Variants in VPS13C observed in about 807,000 individuals in gnomAD.
VPS13C encodes intermembrane lipid transfer protein VPS13C.
In VPS13C, 358 loss-of-function variants were observed where a neutral mutation model predicts 456.8. The observed-to-expected ratio is 0.78, with a 90% CI of 0.72 to 0.86. VPS13C has a LOEUF of 0.86. Ranked by LOEUF, VPS13C falls within the 40% of genes least tolerant of loss-of-function variation. The pLI is 0.00. For missense variants in VPS13C, 4,818 were observed against 4,385.4 expected (o/e 1.10, Z -2.79); for synonymous variants, 1,578 against 1,486.7 (o/e 1.06, Z -1.41).
At chr15:62,052,027 G>A (rs2048636538) in intron 1 of VPS13C, among the ~76,000 whole-genome samples, 1 of 152,008 alleles carries the variant, frequency 6.6e-6, no homozygotes, top group Non-Finnish European at 1.5e-5. Flanking sequence ...ATTTTTTTGT[G>A]GCAGTACTAA....
chr15:61,918,635 G>C (rs538249246), intron 58 of VPS13C, among the ~76,000 whole-genome samples: 42 of 152,072 alleles, frequency 2.8e-4, no homozygotes, highest in African/African-American at 9.6e-4. Flanking sequence ...GAGAAAAATA[G>C]TACAATTCTT....
intron 40 of VPS13C, 65 bp from the exon 41 acceptor site, chr15:61,950,482 A>G (rs2044750229): frequency 4.1e-6 from 5 of 1,232,144 alleles, no homozygotes; most frequent in African/African-American, 1.5e-5. Context: ...CTGAAAATAT[A>G]CATATTCTTT....
At chr15:61,972,319 C>T (rs929555493) in intron 27 of VPS13C, among the ~76,000 whole-genome samples, 2 of 152,072 alleles carry the variant, frequency 1.3e-5, no homozygotes, top group Non-Finnish European at 2.9e-5. Flanking sequence ...TTAAAGTAGG[C>T]ATGTCATAAA....
chr15:62,043,550 G>A (rs2140727319), intron 2 of VPS13C, among the ~76,000 whole-genome samples: 1 of 152,294 alleles, frequency 6.6e-6, no homozygotes, highest in East Asian at 1.9e-4. Context: ...AAGTTGCAGT[G>A]AGCCAAGATC....
At chr15:61,874,091 T>A (rs1323186162) in intron 77 of VPS13C, among the ~76,000 whole-genome samples, 1 of 151,598 alleles carries the variant, frequency 6.6e-6, no homozygotes, top group South Asian at 2.1e-4. Context: ...GAAAAACAAA[T>A]ACTGCATGTT....
intron 1 of VPS13C, among the ~76,000 whole-genome samples, chr15:62,054,735 TAA>T (rs1172207729): frequency 3.8e-5 from 5 of 130,944 alleles, no homozygotes; most frequent in Non-Finnish European, 6.7e-5. Flanking sequence ...AAAGTAGAAG[TAA>T]AAAAAAAAAA....
chr15:61,986,338 C>G (rs1312633391), intron 18 of VPS13C, among the ~76,000 whole-genome samples: 1 of 151,602 alleles, frequency 6.6e-6, no homozygotes, highest in Non-Finnish European at 1.5e-5. Flanking sequence ...AAAAAAGAAC[C>G]ACATAGAAAT....
At chr15:61,896,562 A>G (rs2042821555) in intron 66 of VPS13C, among the ~76,000 whole-genome samples, 1 of 152,124 alleles carries the variant, frequency 6.6e-6, no homozygotes, top group African/African-American at 2.4e-5. Flanking sequence ...AAAACGGCGC[A>G]CCACGAGATT....
At chr15:61,884,364 A>T (rs990859513) in intron 67 of VPS13C, 95 bp from the exon 68 acceptor site, 1 of 1,332,186 alleles carries the variant, frequency 7.5e-7, no homozygotes, top group Non-Finnish European at 1.0e-6. Flanking sequence ...TTATTTTCCT[A>T]TGAAAATTAC....
chr15:61,896,394 G>A (rs542162225), intron 66 of VPS13C, among the ~76,000 whole-genome samples: 227 of 152,272 alleles, frequency 1.5e-3, no homozygotes, highest in African/African-American at 5.2e-3. Flanking sequence ...GTGGGTGCAC[G>A]CATGGTGCGC....
intron 66 of VPS13C, among the ~76,000 whole-genome samples, chr15:61,902,295 A>C (rs868567357): frequency 6.6e-6 from 1 of 151,014 alleles, no homozygotes; most frequent in Middle Eastern, 3.4e-3. Context: ...AAAAAAATTA[A>C]AAGTGTTTAA....
intron 22 of VPS13C, 80 bp from the exon 23 acceptor site, chr15:61,978,829 T>G: frequency 7.0e-7 from 1 of 1,424,412 alleles, no homozygotes. Context: ...TAGGTTTCAG[T>G]CTTGCATTTA....
chr15:61,896,291 C>T (rs1444540386), intron 66 of VPS13C, among the ~76,000 whole-genome samples: 1 of 152,194 alleles, frequency 6.6e-6, no homozygotes, highest in African/African-American at 2.4e-5. Context: ...CAGCTCACAG[C>T]GTGAGCGACA....
chr15:61,932,809 A>T (rs1275905931), intron 49 of VPS13C, among the ~76,000 whole-genome samples: 2 of 152,234 alleles, frequency 1.3e-5, no homozygotes, highest in African/African-American at 2.4e-5. Context: ...CAATGACCTG[A>T]GACACATCTG....
intron 76 of VPS13C, 52 bp downstream of exon 76, chr15:61,875,679 AT>A (rs1359869830): frequency 8.0e-5 from 104 of 1,296,764 alleles, no homozygotes; most frequent in Non-Finnish European, 1.0e-4. Context: ...TTATTAAAAA[AT>A]AGACCATCCA....
At chr15:61,961,096 A>G (rs948414950) in intron 35 of VPS13C, among the ~76,000 whole-genome samples, 1 of 151,000 alleles carries the variant, frequency 6.6e-6, no homozygotes, top group Non-Finnish European at 1.5e-5. Flanking sequence ...ACAAAATAAA[A>G]AACTCTTCTG....
intron 40 of VPS13C, 37 bp from the exon 41 acceptor site, chr15:61,950,454 A>T (rs973068872): frequency 1.3e-6 from 2 of 1,503,650 alleles, no homozygotes; most frequent in Non-Finnish European, 1.8e-6. Flanking sequence ...TGAGTTTCAA[A>T]CACTAAAAAT....
intron 78 of VPS13C, 58 bp downstream of exon 78, chr15:61,873,188 G>A (rs1895161260): frequency 6.2e-7 from 1 of 1,604,048 alleles, no homozygotes; most frequent in Non-Finnish European, 8.5e-7. Flanking sequence ...CACACAACCA[G>A]CTAGAATACA....
rs187269826 is a variant in VPS13C at position 61,985,306 on chromosome 15, G to A, written c.1579-307C>T. 2.5e-3 allele frequency among the ~76,000 whole-genome samples: 384 copies of A among 152,140 alleles called. 1 individual carries two copies. The highest frequency in any genetic ancestry group is 8.5e-3 in the African/African-American group (354 of 41,510). Reference sequence around the variant, plus strand: ...AGAGACTTGCTCTATTGCCAGGCTGGAGTGCAGTGGCACAATCACAGCTCA... The same window carrying A: ...AGAGACTTGCTCTATTGCCAGGCTGAAGTGCAGTGGCACAATCACAGCTCA... On this transcript the variant is annotated intron_variant, in intron 18 of 84. Transcript: ENST00000644861.
Sources: allele counts gnomAD v4.1 joint callset (sites outside exome capture counted in the v4.1 genomes callset), GRCh38; gene constraint gnomAD v4.1.1; transcripts MANE v1.5; gene names NCBI Gene and HGNC (gene_info 2026-07-23, HGNC 2026-07-21).